Variants in ATRNL1 observed in about 807,000 individuals in gnomAD.
The protein encoded by ATRNL1 is attractin-like protein 1.
ATRNL1 carries 95 observed loss-of-function variants against 182.7 expected under a neutral mutation model. That is an observed-to-expected ratio of 0.52 (90% CI 0.44 to 0.62). The LOEUF is 0.62. ATRNL1 is among the 20% of genes least tolerant of loss of function. The pLI is 0.00. For synonymous variants in ATRNL1, 576 were observed against 568.3 expected (o/e 1.01, Z -0.19); for missense variants, 1,471 against 1,679.5 (o/e 0.88, Z 2.17).
At chr10:115,306,373 C>A (rs1554926173) in intron 17 of ATRNL1, among the ~76,000 whole-genome samples, 1 of 152,136 alleles carries the variant, frequency 6.6e-6, no homozygotes, top group African/African-American at 2.4e-5. Flanking sequence ...AATTCCAATG[C>A]CAATCTAATT....
chr10:115,765,913 T>C (rs1481756592), intron 27 of ATRNL1, among the ~76,000 whole-genome samples: 5 of 152,188 alleles, frequency 3.3e-5, no homozygotes, highest in Non-Finnish European at 7.3e-5. Context: ...TTCCAATCTT[T>C]AGCTATTGCA....
chr10:115,775,413 A>G (rs868994522), intron 27 of ATRNL1, among the ~76,000 whole-genome samples: 1 of 152,254 alleles, frequency 6.6e-6, no homozygotes, highest in East Asian at 1.9e-4. Context: ...TTCAAGAAAC[A>G]TTTTTTCTTC....
At chr10:115,212,526 T>C (rs1254625230) in intron 8 of ATRNL1, among the ~76,000 whole-genome samples, 1 of 151,940 alleles carries the variant, frequency 6.6e-6, no homozygotes. Flanking sequence ...ATTAATAAAT[T>C]ATTCTATTAT....
chr10:115,482,717 A>G (rs1327119128), intron 24 of ATRNL1, among the ~76,000 whole-genome samples: 1 of 151,170 alleles, frequency 6.6e-6, no homozygotes, highest in African/African-American at 2.4e-5. Context: ...AAGAATCATT[A>G]TTTGTTGCTT....
intron 28 of ATRNL1, among the ~76,000 whole-genome samples, chr10:115,934,927 C>T (rs1436073467): frequency 2.0e-5 from 3 of 152,196 alleles, no homozygotes; most frequent in Non-Finnish European, 4.4e-5. Flanking sequence ...AATATCCCTT[C>T]CCTCCATGCT....
rs797043958 is a variant in ATRNL1, at chr10:115,842,260, T to C, written c.3904-5617T>C. ...TGATTCAATTTTCTAATTGCTTTTT[T>C]GGCATGCGATGGTGGCCATTTAGTC... is the stretch of plus-strand genomic sequence containing the variant. On this transcript the variant is annotated intron_variant, in intron 27 of 28. Transcript: ENST00000355044. Among the ~76,000 whole-genome samples, 5 of 152,136 alleles carry C rather than the reference T, an allele frequency of 3.3e-5. No homozygotes were observed. In the East Asian group the frequency reaches 9.6e-4, roughly 29 times the overall value.
At position 115,685,243 on chromosome 10, in the gene ATRNL1, A is replaced by G. The variant is rs923628621; in HGVS notation, c.3796-42005A>G. 3.3e-5 allele frequency among the ~76,000 whole-genome samples: 5 copies of G among 151,778 alleles called. No homozygotes were observed. The East Asian group carries it at 7.7e-4, about 23-fold the overall frequency. Reference sequence around the variant, plus strand: ...AAAATACCCTTTTGTAGCAAAATCAAGAAGTTAGAACTCCTCTGTCAATTA... The same window carrying G: ...AAAATACCCTTTTGTAGCAAAATCAGGAAGTTAGAACTCCTCTGTCAATTA... On this transcript the variant is annotated intron_variant, in intron 26 of 28. Coordinates refer to ENST00000355044, the MANE Select transcript of ATRNL1 (RefSeq NM_207303.4).
At chr10:115,346,216 A>G (rs528012741) in intron 19 of ATRNL1, among the ~76,000 whole-genome samples, 3 of 152,214 alleles carry the variant, frequency 2.0e-5, no homozygotes, top group African/African-American at 7.2e-5. Context: ...AAACTTTTTA[A>G]TCTTGTAAAT....
intron 20 of ATRNL1, among the ~76,000 whole-genome samples, chr10:115,416,319 A>T (rs1183998085): frequency 3.9e-5 from 6 of 152,144 alleles, no homozygotes; most frequent in African/African-American, 1.4e-4. Context: ...CTTAAATGAC[A>T]CATGGAATTA....
chr10:115,557,116 G>T (rs1853357655), intron 26 of ATRNL1, among the ~76,000 whole-genome samples: 1 of 152,030 alleles, frequency 6.6e-6, no homozygotes, highest in Admixed American at 6.6e-5. Context: ...TGAGTTAAAA[G>T]GATCTGATTT....
intron 10 of ATRNL1, among the ~76,000 whole-genome samples, chr10:115,248,141 T>C (rs1554904532): frequency 6.6e-6 from 1 of 152,202 alleles, no homozygotes; most frequent in Non-Finnish European, 1.5e-5. Context: ...TTAACTATTA[T>C]GTGTAGTTTC....
chr10:115,506,882 T>C (rs1408062087), intron 24 of ATRNL1, among the ~76,000 whole-genome samples: 3 of 152,072 alleles, frequency 2.0e-5, no homozygotes, highest in Non-Finnish European at 4.4e-5. Context: ...CCCCAAAATC[T>C]GAGACAGGTC....
intron 19 of ATRNL1, among the ~76,000 whole-genome samples, chr10:115,341,664 T>C (rs910290231): frequency 6.6e-6 from 1 of 152,168 alleles, no homozygotes; most frequent in Non-Finnish European, 1.5e-5. Flanking sequence ...CCTCTAATAA[T>C]AATATTTGCT....
chr10:115,862,955 T>C (rs1951349153), intron 28 of ATRNL1, among the ~76,000 whole-genome samples: 2 of 152,318 alleles, frequency 1.3e-5, no homozygotes, highest in Non-Finnish European at 2.9e-5. Flanking sequence ...TACAGATATC[T>C]AGAGTGTCTG....
chr10:115,260,381 C>G lies in ATRNL1; in HGVS notation c.1688-4812C>G, dbSNP rs148407622. Among the ~76,000 whole-genome samples, 109 of 152,268 alleles carry G rather than the reference C, an allele frequency of 7.2e-4. No individual in the cohort carries two copies. The Middle Eastern group carries it at 0.02, about 29-fold the overall frequency. ...TCCAGGCAGGAGACTGGAAAATTAT[C>G]TGAAGAAATCTGACCAGCCTAAGAG... is the stretch of plus-strand genomic sequence containing the variant. On this transcript the variant is annotated intron_variant, in intron 10 of 28. Coordinates refer to ENST00000355044, the MANE Select transcript of ATRNL1 (RefSeq NM_207303.4).
At chr10:115,158,429 T>C (rs1292106868) in intron 5 of ATRNL1, among the ~76,000 whole-genome samples, 1 of 152,030 alleles carries the variant, frequency 6.6e-6, no homozygotes, top group Non-Finnish European at 1.5e-5. Flanking sequence ...ATTTCTAAGT[T>C]ACTGTAATTA....
At chr10:115,699,478 G>T (rs1361088409) in intron 26 of ATRNL1, among the ~76,000 whole-genome samples, 1 of 152,046 alleles carries the variant, frequency 6.6e-6, no homozygotes, top group Non-Finnish European at 1.5e-5. Context: ...AGAATAAAGA[G>T]TTCAACAACA....
chr10:115,127,540 T>C (rs1473810757), intron 3 of ATRNL1, 53 bp from the exon 4 acceptor site: 4 of 1,470,256 alleles, frequency 2.7e-6, no homozygotes, highest in Admixed American at 4.2e-5. Context: ...TTTATGTGCT[T>C]AACAGTCTTA....
intron 26 of ATRNL1, among the ~76,000 whole-genome samples, chr10:115,603,505 G>T (rs1298506893): frequency 6.6e-6 from 1 of 152,046 alleles, no homozygotes; most frequent in African/African-American, 2.4e-5. Flanking sequence ...TTTTATGGGG[G>T]CAGATACATA....
Sources: allele counts gnomAD v4.1 joint callset (sites outside exome capture counted in the v4.1 genomes callset), GRCh38; gene constraint gnomAD v4.1.1; transcripts MANE v1.5; gene names NCBI Gene and HGNC (gene_info 2026-07-23, HGNC 2026-07-21).